MAGI2: variants seen among roughly 807,000 people sequenced by gnomAD.
MAGI2 encodes membrane-associated guanylate kinase, WW and PDZ domain-containing protein 2.
In MAGI2, 35 loss-of-function variants were observed where a neutral mutation model predicts 133.3. The observed-to-expected ratio is 0.26, with a 90% CI of 0.20 to 0.35. MAGI2 has a LOEUF of 0.35. Ranked by LOEUF, MAGI2 falls within the 10% of genes least tolerant of loss-of-function variation. The probability of loss-of-function intolerance (pLI) is 1.00; values close to 1 mark genes in which losing one functional copy is unlikely to be tolerated. For synonymous variants in MAGI2, 729 were observed against 710.6 expected (o/e 1.03, Z -0.41); for missense variants, 1,636 against 1,863.4 (o/e 0.88, Z 2.25).
intron 3 of MAGI2, among the ~76,000 whole-genome samples, chr7:78,576,727 C>T (rs969194146): frequency 2.6e-5 from 4 of 152,188 alleles, no homozygotes; most frequent in Admixed American, 2.6e-4. Context: ...TCACTTCTTT[C>T]ATCAAACTTA....
At chr7:78,707,500 G>A (rs544755610) in intron 2 of MAGI2, among the ~76,000 whole-genome samples, 1 of 151,994 alleles carries the variant, frequency 6.6e-6, no homozygotes, top group South Asian at 2.1e-4. Context: ...CATTCTAAAA[G>A]TAACAATAAT....
At chr7:78,097,476 T>C (rs1173682907) in intron 20 of MAGI2, among the ~76,000 whole-genome samples, 1 of 152,194 alleles carries the variant, frequency 6.6e-6, no homozygotes, top group Non-Finnish European at 1.5e-5. Flanking sequence ...TGGAATACCA[T>C]GCAGCCATAA....
intron 2 of MAGI2, among the ~76,000 whole-genome samples, chr7:78,728,835 G>A (rs1308074682): frequency 8.0e-6 from 1 of 124,330 alleles, no homozygotes; most frequent in Non-Finnish European, 1.8e-5. Flanking sequence ...AAAGTGCTGG[G>A]ATTACAGGCG....
chr7:78,277,389 A>G (rs1247734168), intron 9 of MAGI2, among the ~76,000 whole-genome samples: 1 of 152,140 alleles, frequency 6.6e-6, no homozygotes, highest in Admixed American at 6.6e-5. Flanking sequence ...GAAAATAATC[A>G]CCCTTATTTC....
chr7:78,963,031 C>T (rs1387947308), intron 2 of MAGI2, among the ~76,000 whole-genome samples: 2 of 152,074 alleles, frequency 1.3e-5, no homozygotes, highest in African/African-American at 4.8e-5. Context: ...TTTATCTTCA[C>T]TTGCTCCCTC....
At chr7:78,222,861 A>G (rs1302080654) in intron 10 of MAGI2, among the ~76,000 whole-genome samples, 1 of 152,240 alleles carries the variant, frequency 6.6e-6, no homozygotes, top group African/African-American at 2.4e-5. Flanking sequence ...TCTCAAGCCA[A>G]AAGGAAAACC....
intron 1 of MAGI2, among the ~76,000 whole-genome samples, chr7:79,318,916 T>C (rs1012388877): frequency 3.3e-5 from 5 of 152,168 alleles, no homozygotes; most frequent in African/African-American, 4.8e-5. Context: ...GTCATCATCA[T>C]TTCCCCATAT....
intron 2 of MAGI2, among the ~76,000 whole-genome samples, chr7:78,939,461 C>G (rs1182406240): frequency 1.3e-5 from 2 of 152,036 alleles, no homozygotes; most frequent in African/African-American, 4.8e-5. Context: ...GTAGGCAGCT[C>G]CATTTGTAAG....
At chr7:78,394,019 T>C (rs763917734) in intron 6 of MAGI2, among the ~76,000 whole-genome samples, 68 of 152,016 alleles carry the variant, frequency 4.5e-4, no homozygotes, top group Non-Finnish European at 1.0e-4. Flanking sequence ...TAATTCAGTT[T>C]GAGTTCAAAG....
At chr7:79,445,703 T>G (rs1234425035) in intron 1 of MAGI2, among the ~76,000 whole-genome samples, 10 of 152,272 alleles carry the variant, frequency 6.6e-5, no homozygotes, top group Non-Finnish European at 8.8e-5. Flanking sequence ...CAGGAACACT[T>G]TTACACTGTT....
At chr7:79,212,179 A>G (rs1829555764) in intron 1 of MAGI2, among the ~76,000 whole-genome samples, 2 of 152,194 alleles carry the variant, frequency 1.3e-5, no homozygotes, top group Middle Eastern at 3.4e-3. Flanking sequence ...CGCTCTTTAC[A>G]TCAGAATACA....
At chr7:79,401,945 C>T (rs1845497898) in intron 1 of MAGI2, among the ~76,000 whole-genome samples, 1 of 151,758 alleles carries the variant, frequency 6.6e-6, no homozygotes, top group Non-Finnish European at 1.5e-5. Context: ...ACTAAATATC[C>T]CCCACCAAAT....
intron 6 of MAGI2, among the ~76,000 whole-genome samples, chr7:78,414,970 T>C (rs1218905548): frequency 6.6e-6 from 1 of 152,108 alleles, no homozygotes; most frequent in Non-Finnish European, 1.5e-5. Flanking sequence ...AAAAACTGTG[T>C]GCCCTGATTT....
intron 21 of MAGI2, among the ~76,000 whole-genome samples, chr7:78,057,999 A>ATGTGTGTG (rs762405456): frequency 2.8e-5 from 3 of 108,584 alleles, no homozygotes; most frequent in Non-Finnish European, 5.9e-5. Flanking sequence ...ATATATATAT[A>ATGTGTGTG]TATATGTATG....
At chr7:78,175,596 C>T (rs900024149) in intron 14 of MAGI2, among the ~76,000 whole-genome samples, 4 of 152,136 alleles carry the variant, frequency 2.6e-5, no homozygotes, top group African/African-American at 9.7e-5. Flanking sequence ...CAGTGCACGG[C>T]GAACCTACTA....
chr7:78,713,008 G>A (rs959919215), intron 2 of MAGI2, among the ~76,000 whole-genome samples: 3 of 152,078 alleles, frequency 2.0e-5, no homozygotes, highest in African/African-American at 7.2e-5. Flanking sequence ...ATACGAAAAT[G>A]AAAACATTAG....
At chr7:79,082,005 A>G (rs1453560456) in intron 1 of MAGI2, among the ~76,000 whole-genome samples, 1 of 152,114 alleles carries the variant, frequency 6.6e-6, no homozygotes, top group Non-Finnish European at 1.5e-5. Context: ...TTACCGAGTC[A>G]TAGGGTAACT....
chr7:78,027,378 A>C (rs1809036499), intron 21 of MAGI2, among the ~76,000 whole-genome samples: 1 of 152,200 alleles, frequency 6.6e-6, no homozygotes, highest in Non-Finnish European at 1.5e-5. Flanking sequence ...CTGTAATCCC[A>C]GCACTTTGGG....
chr7:78,588,347 CAATTT>C (rs1803635115), intron 3 of MAGI2, among the ~76,000 whole-genome samples: 1 of 152,214 alleles, frequency 6.6e-6, no homozygotes, highest in Non-Finnish European at 1.5e-5. Context: ...CCCCAGGAGA[CAATTT>C]AATATAATTA....
Sources: allele counts gnomAD v4.1 joint callset (sites outside exome capture counted in the v4.1 genomes callset), GRCh38; gene constraint gnomAD v4.1.1; transcripts MANE v1.5; gene names NCBI Gene and HGNC (gene_info 2026-07-23, HGNC 2026-07-21).